Variants in ACTN4 observed in about 807,000 individuals in gnomAD.
The protein encoded by ACTN4 is actinin alpha 4, also known as alpha-actinin-4.
A neutral mutation model predicts 114.2 loss-of-function variants in ACTN4; 18 were observed. The observed-to-expected ratio is 0.16, with a 90% confidence interval of 0.11 to 0.23. The LOEUF is 0.23. Among genes scored for constraint, ACTN4 ranks in the 10% least tolerant of loss-of-function variants. The probability of loss-of-function intolerance (pLI) is 1.00; values close to 1 mark genes in which losing one functional copy is unlikely to be tolerated. For synonymous variants in ACTN4, 515 were observed against 506.3 expected (o/e 1.02, Z -0.23); for missense variants, 722 against 1,262.9 (o/e 0.57, Z 6.49).
chr19:38,683,598 G>T (rs1967646661), intron 1 of ACTN4, among the ~76,000 whole-genome samples: 1 of 152,198 alleles, frequency 6.6e-6, no homozygotes, highest in Non-Finnish European at 1.5e-5. Context: ...GCACCTTTGT[G>T]AGTCACCGGT....
At chr19:38,710,158 C>A in intron 7 of ACTN4, 99 bp from the exon 8 acceptor site, 1 of 1,269,948 alleles carries the variant, frequency 7.9e-7, no homozygotes, top group Non-Finnish European at 1.1e-6. Context: ...AGGTCCCTCT[C>A]CCCCAAGGCC....
chr19:38,672,643 G>A (rs1411689166), intron 1 of ACTN4, among the ~76,000 whole-genome samples: 1 of 151,450 alleles, frequency 6.6e-6, no homozygotes, highest in Non-Finnish European at 1.5e-5. Context: ...GCACGATCTC[G>A]GCTCACCGCA....
chr19:38,699,716 C>T (rs936108849), intron 1 of ACTN4, among the ~76,000 whole-genome samples: 1 of 149,778 alleles, frequency 6.7e-6, no homozygotes, highest in African/African-American at 2.5e-5. Context: ...GATTGCGCCA[C>T]AGCACTCCAG....
At chr19:38,685,842 A>G (rs1404080213) in intron 1 of ACTN4, among the ~76,000 whole-genome samples, 12 of 152,156 alleles carry the variant, frequency 7.9e-5, no homozygotes. Context: ...AAAACAGGAA[A>G]AAGGAAAAGG....
At position 38,663,297 on chromosome 19, in the gene ACTN4, G is replaced by A. The variant is rs1441657214; in HGVS notation, c.162+15390G>A. Reference sequence around the variant, plus strand: ...CCAGCACTCAGGTAGAAATATGACCGCCATGGCCAGACAGCAGCCCTCGCT... The same window carrying A: ...CCAGCACTCAGGTAGAAATATGACCACCATGGCCAGACAGCAGCCCTCGCT... On this transcript the variant is annotated intron_variant, in intron 1 of 20. Coordinates refer to ENST00000252699, the MANE Select transcript of ACTN4 (RefSeq NM_004924.6). 6.6e-5 allele frequency among the ~76,000 whole-genome samples: 10 copies of A among 152,342 alleles called. No individual in the cohort carries two copies. In the East Asian group the frequency reaches 1.5e-3, roughly 24 times the overall value.
Position 38,714,449 on chromosome 19 carries a change from G to A in ACTN4, c.820-20G>A. On this transcript the variant is annotated intron_variant, in intron 8 of 20. Coordinates refer to ENST00000252699, the MANE Select transcript of ACTN4 (RefSeq NM_004924.6). The stretch of plus-strand genomic sequence containing the variant: ...GGGTGGCCAGCCCCCAGGCAGCCCT[G>A]ACTGTGTGCTCCCCTCCAGGCTGAA... 2 of 1,613,024 alleles carry A rather than the reference G, an allele frequency of 1.2e-6. No homozygotes were observed. Among genetic ancestry groups the A allele is most frequent in the Non-Finnish European group, 1.7e-6 (2 of 1,179,646 alleles).
At chr19:38,670,341 C>T (rs1365623040) in intron 1 of ACTN4, among the ~76,000 whole-genome samples, 1 of 152,202 alleles carries the variant, frequency 6.6e-6, no homozygotes, top group Non-Finnish European at 1.5e-5. Flanking sequence ...CTTTCAGGAA[C>T]AGCAAGGATA....
chr19:38,717,375 C>T lies in ACTN4; in HGVS notation c.1143+59C>T. 1.9e-6 allele frequency: 3 copies of T among 1,580,988 alleles called. No homozygotes were observed. The highest frequency in any genetic ancestry group is 2.6e-6 in the Non-Finnish European group (3 of 1,164,074). ...AGGGGCAGAGGCAGCCCTAGAACTG[C>T]CTGTGGGCAGTTTGGCCAGCGTAAT... is the stretch of plus-strand genomic sequence containing the variant. On this transcript the variant is annotated intron_variant, in intron 10 of 20. Transcript: ENST00000252699. The surrounding 1 kb of genome is among the most constrained non-coding windows in gnomAD (Gnocchi z 4.0).
chr19:38,654,128 T>A (rs1334536238), intron 1 of ACTN4, among the ~76,000 whole-genome samples: 1 of 152,232 alleles, frequency 6.6e-6, no homozygotes, highest in African/African-American at 2.4e-5. Flanking sequence ...TTTTACTCGG[T>A]ATCCCAGGCA....
intron 1 of ACTN4, among the ~76,000 whole-genome samples, chr19:38,698,367 C>A (rs992122012): frequency 2.0e-5 from 3 of 152,144 alleles, no homozygotes; most frequent in Non-Finnish European, 4.4e-5. Flanking sequence ...CCTGGGCTCT[C>A]TGAATTCAGT....
At chr19:38,654,572 A>G (rs566512234) in intron 1 of ACTN4, among the ~76,000 whole-genome samples, 12 of 152,122 alleles carry the variant, frequency 7.9e-5, no homozygotes, top group East Asian at 1.9e-4. Context: ...AAAAAAAAAA[A>G]AAAAAGAAAA....
chr19:38,715,860 C>T (rs1968821683), intron 9 of ACTN4, among the ~76,000 whole-genome samples: 1 of 152,320 alleles, frequency 6.6e-6, no homozygotes, highest in African/African-American at 2.4e-5. Context: ...ACTTCTCCAG[C>T]TTGTCCGTGC....
chr19:38,728,465 C>T lies in ACTN4; in HGVS notation c.2418+439C>T. 1.7e-5 allele frequency: 17 copies of T among 991,548 alleles called. 1 individual carries two copies. The South Asian group carries it at 2.5e-4, about 14-fold the overall frequency. 61.4% of individuals were successfully genotyped at this position (991,548 alleles called of 1,614,324 possible). A position where few individuals can be genotyped will look rare whatever the true frequency, so the allele number is the denominator to read the frequency against. ...CCTCCTCCTCCCCCCCACCTCTCCC[C>T]CTCACCGCCTCCAGAGCTTCCTCGT... On this transcript the variant is annotated intron_variant, in intron 19 of 20. Transcript: ENST00000252699.
chr19:38,693,814 A>T (rs1478522626), intron 1 of ACTN4, among the ~76,000 whole-genome samples: 1 of 152,178 alleles, frequency 6.6e-6, no homozygotes, highest in East Asian at 1.9e-4. Context: ...ACAAAGCAGA[A>T]ACTGCTCTTG....
intron 1 of ACTN4, among the ~76,000 whole-genome samples, chr19:38,692,052 T>A (rs3786840): frequency 0.056 from 8,549 of 152,250 alleles, 255 homozygotes; most frequent in South Asian, 0.096. Context: ...GCAGGACCTT[T>A]GGAATGCTCG....
chr19:38,673,508 A>AT (rs1555826143), intron 1 of ACTN4, among the ~76,000 whole-genome samples: 10,519 of 58,666 alleles, frequency 0.18, 1,601 homozygotes, highest in Non-Finnish European at 0.28. Flanking sequence ...TATATATATG[A>AT]ATATATATTT....
chr19:38,722,251 A>G (rs1969070542), intron 12 of ACTN4, among the ~76,000 whole-genome samples: 2 of 152,284 alleles, frequency 1.3e-5, no homozygotes, highest in South Asian at 4.2e-4. Flanking sequence ...CCACCAGTGC[A>G]GCGGCCAGCA....
intron 1 of ACTN4, among the ~76,000 whole-genome samples, chr19:38,661,650 T>TTTTA (rs959456723): frequency 2.6e-5 from 4 of 152,076 alleles, no homozygotes; most frequent in South Asian, 2.1e-4. Flanking sequence ...CCTGATTTAT[T>TTTTA]TTTATTTATT....
At chr19:38,682,546 C>G (rs1967609424) in intron 1 of ACTN4, among the ~76,000 whole-genome samples, 1 of 152,140 alleles carries the variant, frequency 6.6e-6, no homozygotes, top group Admixed American at 6.5e-5. Context: ...CAGAATCTAC[C>G]CCAGGTCCTT....
Sources: gnomAD v4.1 joint callset for allele counts (sites outside exome capture counted in the v4.1 genomes callset) on GRCh38, gnomAD v4.1.1 for gene constraint, Gnocchi (gnomAD v3.1) non-coding constraint, MANE v1.5 for transcripts, NCBI Gene and HGNC (gene_info 2026-07-23, HGNC 2026-07-21) for gene names.